The following PARD3B variants were observed in gnomAD, a reference collection of about 807,000 sequenced individuals.
PARD3B encodes par-3 family cell polarity regulator beta.
A neutral mutation model predicts 130.2 loss-of-function variants in PARD3B; 103 were observed. That is an observed-to-expected ratio of 0.79 (90% CI 0.67 to 0.93). The LOEUF (loss-of-function observed/expected upper bound fraction) is 0.93. Ranked by LOEUF, PARD3B falls within the 40% of genes least tolerant of loss-of-function variation. The pLI, the probability that PARD3B is intolerant of heterozygous loss-of-function variation, is 0.00. For missense variants in PARD3B, 1,609 were observed against 1,499.2 expected (o/e 1.07, Z -1.21); for synonymous variants, 583 against 553.2 (o/e 1.05, Z -0.76).
At chr2:205,231,675 A>G (rs1050708649) in intron 15 of PARD3B, among the ~76,000 whole-genome samples, 5 of 152,102 alleles carry the variant, frequency 3.3e-5, no homozygotes, top group African/African-American at 4.8e-5. Flanking sequence ...GAAAATTAAT[A>G]CCATACTATG....
At chr2:205,256,376 G>T (rs2040084876) in intron 16 of PARD3B, among the ~76,000 whole-genome samples, 1 of 152,030 alleles carries the variant, frequency 6.6e-6, no homozygotes, top group Non-Finnish European at 1.5e-5. Context: ...TTTGCCAACT[G>T]CTACAAATAC....
intron 19 of PARD3B, among the ~76,000 whole-genome samples, chr2:205,431,264 A>T (rs988820982): frequency 6.6e-6 from 1 of 152,006 alleles, no homozygotes; most frequent in Non-Finnish European, 1.5e-5. Flanking sequence ...TTTAGTAGAG[A>T]TGGGGTTTCA....
chr2:205,064,667 A>G (rs1317689883), intron 4 of PARD3B, among the ~76,000 whole-genome samples: 1 of 152,194 alleles, frequency 6.6e-6, no homozygotes, highest in Non-Finnish European at 1.5e-5. Context: ...CCAGGTATGA[A>G]TAATCAGTAT....
At position 204,793,030 on chromosome 2, in the gene PARD3B, A is replaced by T. The variant is rs573153273; in HGVS notation, c.222+106748A>T. On this transcript the variant is annotated intron_variant, in intron 2 of 22. Transcript: ENST00000406610. ...TGCTTTTTAATCCTCCCTGATTGTCATGAGCAGGAATAAGGAAGGGAGAAG... is the reference window on the plus strand; with the variant it reads ...TGCTTTTTAATCCTCCCTGATTGTCTTGAGCAGGAATAAGGAAGGGAGAAG... Among the ~76,000 whole-genome samples, 4 of 152,226 alleles carry T rather than the reference A, an allele frequency of 2.6e-5. No homozygotes were observed. The East Asian group carries it at 7.7e-4, about 29-fold the overall frequency.
intron 10 of PARD3B, among the ~76,000 whole-genome samples, chr2:205,149,978 A>G (rs2125692656): frequency 6.6e-6 from 1 of 152,226 alleles, no homozygotes; most frequent in Admixed American, 6.5e-5. Flanking sequence ...GGCTTCAAAT[A>G]TCAGTTGTGC....
chr2:204,978,163 T>C (rs1692354334), intron 3 of PARD3B, among the ~76,000 whole-genome samples: 1 of 152,178 alleles, frequency 6.6e-6, no homozygotes, highest in African/African-American at 2.4e-5. Context: ...GAACAGGGCA[T>C]AGAAGACTGG....
chr2:204,781,119 T>C (rs556576096), intron 2 of PARD3B, among the ~76,000 whole-genome samples: 2 of 152,266 alleles, frequency 1.3e-5, no homozygotes, highest in South Asian at 4.1e-4. Flanking sequence ...AATGATTTGC[T>C]TCCATGTTAC....
At chr2:204,553,681 TATATATATATATATACAC>T (rs1301845459) in intron 1 of PARD3B, among the ~76,000 whole-genome samples, 104 of 64,282 alleles carry the variant, frequency 1.6e-3, no homozygotes, top group African/African-American at 5.3e-3. Context: ...TATATATATA[TATATATATATATATACAC>T]ACATATATAT....
chr2:205,245,392 T>TAC (rs1263653358), intron 15 of PARD3B, among the ~76,000 whole-genome samples: 1 of 152,172 alleles, frequency 6.6e-6, no homozygotes, highest in African/African-American at 2.4e-5. Context: ...AAGTATTTAA[T>TAC]ATACACACAG....
chr2:204,946,309 C>T (rs557793821), intron 2 of PARD3B, among the ~76,000 whole-genome samples: 37 of 152,290 alleles, frequency 2.4e-4, no homozygotes, highest in African/African-American at 8.7e-4. Context: ...TCTCATCCAG[C>T]ATTACTAAAC....
At chr2:205,161,993 C>G (rs966948428) in intron 11 of PARD3B, among the ~76,000 whole-genome samples, 2 of 152,148 alleles carry the variant, frequency 1.3e-5, no homozygotes, top group Admixed American at 6.5e-5. Flanking sequence ...CCCCTGAATA[C>G]CTCGACTCTA....
chr2:204,550,448 G>A (rs1232844854), intron 1 of PARD3B, among the ~76,000 whole-genome samples: 1 of 150,598 alleles, frequency 6.6e-6, no homozygotes, highest in African/African-American at 2.5e-5. Flanking sequence ...GTGTGTGTGT[G>A]TATTCACTGA....
chr2:204,563,266 T>TCTCTCTCTCTC (rs1491232845), intron 1 of PARD3B, among the ~76,000 whole-genome samples: 2 of 133,674 alleles, frequency 1.5e-5, no homozygotes, highest in Admixed American at 7.4e-5. Flanking sequence ...TCTCTCTCTC[T>TCTCTCTCTCTC]TTCTCTCTTC....
chr2:204,551,597 G>T (rs1178766752), intron 1 of PARD3B, among the ~76,000 whole-genome samples: 5 of 152,072 alleles, frequency 3.3e-5, no homozygotes, highest in African/African-American at 7.2e-5. Context: ...CACACCCTCT[G>T]TGTATAATCC....
intron 18 of PARD3B, among the ~76,000 whole-genome samples, chr2:205,324,905 C>T (rs2042886794): frequency 6.6e-6 from 1 of 152,138 alleles, no homozygotes; most frequent in African/African-American, 2.4e-5. Context: ...ATTAACTTTG[C>T]TTGTTTATCC....
chr2:204,817,118 T>C (rs976089193), intron 2 of PARD3B, among the ~76,000 whole-genome samples: 1 of 152,136 alleles, frequency 6.6e-6, no homozygotes, highest in African/African-American at 2.4e-5. Flanking sequence ...TTTTTGAACT[T>C]ACAGATTATT....
At chr2:205,079,265 A>T (rs1464446972) in intron 4 of PARD3B, among the ~76,000 whole-genome samples, 2 of 152,216 alleles carry the variant, frequency 1.3e-5, no homozygotes, top group African/African-American at 4.8e-5. Flanking sequence ...CAATGTTATT[A>T]TTACCTTGTG....
intron 19 of PARD3B, among the ~76,000 whole-genome samples, chr2:205,426,708 C>T (rs2047159637): frequency 6.6e-6 from 1 of 152,150 alleles, no homozygotes; most frequent in African/African-American, 2.4e-5. Flanking sequence ...CTATTGTGGA[C>T]ACATTCTGCA....
chr2:204,908,359 A>G (rs975143323), intron 2 of PARD3B, among the ~76,000 whole-genome samples: 5 of 152,232 alleles, frequency 3.3e-5, no homozygotes, highest in Non-Finnish European at 7.3e-5. Context: ...GTCCAAATTC[A>G]TGCAAAAAGG....
Sources: gnomAD v4.1 joint callset for allele counts (sites outside exome capture counted in the v4.1 genomes callset) on GRCh38, gnomAD v4.1.1 for gene constraint, MANE v1.5 for transcripts, NCBI Gene and HGNC (gene_info 2026-07-23, HGNC 2026-07-21) for gene names.